The following CEP250 variants were observed in gnomAD, a reference collection of about 807,000 sequenced individuals.
CEP250 encodes centrosomal protein 250.
Under a neutral mutation model 315.7 loss-of-function variants are expected in CEP250, and 242 were observed. The ratio of observed to expected loss-of-function variants is 0.77; its 90% CI spans 0.69 to 0.85. The LOEUF is 0.85. CEP250 is among the 40% of genes least tolerant of loss of function. The pLI is 0.00. For missense variants in CEP250, 2,515 were observed against 2,886.4 expected (o/e 0.87, Z 2.95); for synonymous variants, 1,088 against 1,175.0 (o/e 0.93, Z 1.51).
chr20:35,513,543 C>CCA lies in CEP250; in HGVS notation c.*1919_*1920dup, dbSNP rs2064398707. On this transcript the variant is annotated 3_prime_UTR_variant, in exon 35 of 35. Coordinates refer to ENST00000397527, the MANE Select transcript of CEP250 (RefSeq NM_007186.6). The stretch of plus-strand genomic sequence containing the variant: ...AAAATGTTGGGATTACGGGCATGAG[C>CCA]CACCGCGCCCGGCCCTTTAGGCCAT... The CCA allele has an allele frequency of 1.3e-5, 2 of 152,250 alleles. No homozygotes were observed. The highest frequency in any genetic ancestry group is 6.5e-5 in the Admixed American group (1 of 15,282). The allele number at this position is 152,250 out of a possible 1,614,324, so 9.4% of individuals were successfully genotyped here.
At position 35,504,295 on chromosome 20, in the gene CEP250, G is replaced by T. The variant is rs367908520; in HGVS notation, c.5926G>T (p.Ala1976Ser). ...GGAGGCCCTTGGCAAGGCTCATGCT[G>T]CCCTGCAGGGGAAAGAGCAGCATCT... Reference protein sequence around the residue: ...LQEALGKAHAALQGKEQHLLE... With the variant: ...LQEALGKAHASLQGKEQHLLE... Residue 1976 changes from alanine to serine, a missense_variant, in exon 30 of 35, where the codon GCC becomes TCC. Ala to Ser is a moderately conservative substitution (Grantham distance 99). Coordinates refer to ENST00000397527, the MANE Select transcript of CEP250 (RefSeq NM_007186.6). 2.3e-5 allele frequency: 36 copies of T among 1,587,210 alleles called. No individual in the cohort carries two copies. In the African/African-American group the frequency reaches 3.9e-4, roughly 17 times the overall value.
Position 35,502,828 on chromosome 20 carries a change from T to C in CEP250, c.4459T>C (p.Ser1487Pro). 1 of 1,614,176 alleles carries C rather than the reference T, an allele frequency of 6.2e-7. No homozygotes were observed. The highest frequency in any genetic ancestry group is 1.1e-5 in the South Asian group (1 of 91,084). The change falls in exon 30 of 35, where the codon TCT (serine) becomes CCT (proline). Residue 1487 changes from serine (S) to proline (P), a missense_variant. Transcript: ENST00000397527. ...EQIQELEKCR[S>P]VLEHLPMAVQ... ...GATTCAGGAGCTAGAGAAGTGTAGG[T>C]CTGTTTTAGAGCATCTGCCCATGGC...
In CEP250 at chr20:35,511,699, G is replaced by A; in HGVS notation, c.*73G>A. 1 of 1,507,298 alleles carries A rather than the reference G, an allele frequency of 6.6e-7. No individual in the cohort carries two copies. The highest frequency in any genetic ancestry group is 8.9e-7 in the Non-Finnish European group (1 of 1,128,048). 93.4% of individuals were successfully genotyped at this position (1,507,298 alleles called of 1,614,324 possible). On this transcript the variant is annotated 3_prime_UTR_variant, in exon 35 of 35. Coordinates refer to ENST00000397527, the MANE Select transcript of CEP250 (RefSeq NM_007186.6). ...GGCCCCTCCGCACACCTACAGGTTT[G>A]CCAAAGGAAAAGCCTGGCTCTGTTA...
intron 20 of CEP250, chr20:35,481,092 A>G (rs900546758): frequency 3.3e-5 from 5 of 151,928 alleles, no homozygotes; most frequent in Non-Finnish European, 7.4e-5. Context: ...CAGTAGTTTT[A>G]CCCTTTTCCT....
chr20:35,469,893 G>T lies in CEP250; in HGVS notation c.855G>T (p.Val285=). 1.2e-6 allele frequency: 2 copies of T among 1,610,120 alleles called. No homozygotes were observed. The highest frequency in any genetic ancestry group is 2.2e-5 in the South Asian group (2 of 90,856). Residue 285 remains valine (V), a synonymous_variant, in exon 10 of 35, where the codon GTG becomes GTT. Transcript: ENST00000397527. Reference sequence around the variant, plus strand: ...AGTGCTATGCTCTTCTCTTTAGGGTGACCGAGCTCTCTGCTCTGTTGACCC... The same window carrying T: ...AGTGCTATGCTCTTCTCTTTAGGGTTACCGAGCTCTCTGCTCTGTTGACCC... ...DLEKAELQDR[V]TELSALLTQS...
rs1481799022 is a variant in CEP250, at chr20:35,473,319, AC to A, written c.1210-54del. On this transcript the variant is annotated intron_variant, in intron 12 of 34. Transcript: ENST00000397527. ...CTCCAGCCCCACTTTCGGGGTTCTGACATCCCTCCTTTGCCCTTGTTCATCA... is the reference window on the plus strand; with the variant it reads ...CTCCAGCCCCACTTTCGGGGTTCTGAATCCCTCCTTTGCCCTTGTTCATCA... 2.1e-5 allele frequency: 31 copies of A among 1,507,476 alleles called. 1 individual carries two copies. Among genetic ancestry groups the A allele is most frequent in the South Asian group, 6.5e-5 (5 of 76,620 alleles). 93.4% of individuals were successfully genotyped at this position (1,507,476 alleles called of 1,614,324 possible).
chr20:35,515,122 C>T lies in CEP250; in HGVS notation c.*3496C>T, dbSNP rs1001988617. 3 of 152,456 alleles carry T rather than the reference C, an allele frequency of 2.0e-5. No homozygotes were observed. Among genetic ancestry groups the T allele is most frequent in the African/African-American group, 7.2e-5 (3 of 41,410 alleles). The allele number at this position is 152,456 out of a possible 1,614,324, so 9.4% of individuals were successfully genotyped here. On this transcript the variant is annotated 3_prime_UTR_variant, in exon 35 of 35. Transcript: ENST00000397527. ...TCGGAGCTCGGGGTCTAGCTGTGAC[C>T]TGGGGATCGGTTGGAGTAGCTTCTT...
intron 24 of CEP250, among the ~76,000 whole-genome samples, chr20:35,495,288 C>T (rs150734538): frequency 0.011 from 1,615 of 152,282 alleles, 16 homozygotes; most frequent in Middle Eastern, 0.024. Context: ...TGGTAGGCCA[C>T]AGCAAGGAGT....
Position 35,497,976 on chromosome 20 carries a change from C to T in CEP250, c.3564C>T (p.Ala1188=), listed in dbSNP as rs1013024585. ...CCCAGCTGGCCAGCCTCTACTCTGCCCTGCAGCAGGCCCTGGGGTCTGTTT... is the reference window on the plus strand; with the variant it reads ...CCCAGCTGGCCAGCCTCTACTCTGCTCTGCAGCAGGCCCTGGGGTCTGTTT... ...AQAQLASLYS[A]LQQALGSVCE... The change falls in exon 26 of 35, where the codon GCC becomes GCT. Residue 1188 remains alanine (A), a synonymous_variant. Coordinates refer to ENST00000397527, the MANE Select transcript of CEP250 (RefSeq NM_007186.6). The T allele has an allele frequency of 1.9e-6, 3 of 1,613,568 alleles. No homozygotes were observed. The highest frequency in any genetic ancestry group is 2.5e-6 in the Non-Finnish European group (3 of 1,179,822).
chr20:35,466,486 A>G (rs916845578), intron 7 of CEP250, among the ~76,000 whole-genome samples: 8 of 152,058 alleles, frequency 5.3e-5, no homozygotes, highest in African/African-American at 1.7e-4. Context: ...TTTTTGATGG[A>G]TCTGAAAGCT....
chr20:35,466,409 T>C (rs1180106706), intron 7 of CEP250, among the ~76,000 whole-genome samples: 4 of 152,182 alleles, frequency 2.6e-5, no homozygotes, highest in African/African-American at 9.7e-5. Flanking sequence ...CCGCCTAGTC[T>C]AGGTTCTGCT....
intron 25 of CEP250, 35 bp downstream of exon 25, chr20:35,496,750 T>G (rs778103001): frequency 6.3e-7 from 1 of 1,592,832 alleles, no homozygotes; most frequent in Non-Finnish European, 8.5e-7. Context: ...TCTGCATCCC[T>G]GGCAGAAGCC....
intron 4 of CEP250, 103 bp downstream of exon 4, chr20:35,462,656 G>A (rs1246251754): frequency 1.0e-6 from 1 of 954,726 alleles, no homozygotes; most frequent in Non-Finnish European, 1.5e-6. Context: ...TGGTGGGAGT[G>A]GCCTACATCT....
Position 35,507,777 on chromosome 20 carries a change from C to A in CEP250, c.6676C>A (p.Arg2226=). 6.4e-7 allele frequency: 1 copy of A among 1,560,454 alleles called. No individual in the cohort carries two copies. Among genetic ancestry groups the A allele is most frequent in the Non-Finnish European group, 8.7e-7 (1 of 1,152,040 alleles). ...ELTRRALEKE[R]LHSPGATSTA... is the part of the protein sequence containing the mutation. The stretch of plus-strand genomic sequence containing the variant: ...CACCAGACGGGCTCTGGAGAAGGAG[C>A]GGCTACACAGCCCAGGTGCAACCAG... Residue 2226 remains arginine (R), a synonymous_variant, in exon 31 of 35, where the codon CGG becomes AGG. Transcript: ENST00000397527.
In CEP250 at chr20:35,503,940, T is replaced by C; in HGVS notation, c.5571T>C (p.Arg1857=). 2 of 1,613,256 alleles carry C rather than the reference T, an allele frequency of 1.2e-6. No individual in the cohort carries two copies. Among genetic ancestry groups the C allele is most frequent in the Non-Finnish European group, 1.7e-6 (2 of 1,179,644 alleles). The change falls in exon 30 of 35, where the codon CGT becomes CGC. Residue 1857 remains arginine, a synonymous_variant. Transcript: ENST00000397527. The surrounding 1 kb of genome is among the most constrained non-coding windows in gnomAD (Gnocchi z 4.2). The part of the protein sequence containing the change: ...LEQAHMTLKE[R]HGELQDHKEQ... ...AAGCCCATATGACACTGAAGGAGCG[T>C]CATGGAGAGCTTCAGGACCACAAGG... is the stretch of plus-strand genomic sequence containing the variant.
intron 30 of CEP250, among the ~76,000 whole-genome samples, chr20:35,507,305 T>C (rs933009608): frequency 1.3e-5 from 2 of 152,192 alleles, no homozygotes; most frequent in African/African-American, 4.8e-5. Context: ...ATGTAGTCGT[T>C]TTATAAATGA....
intron 30 of CEP250, among the ~76,000 whole-genome samples, chr20:35,506,294 G>GAGTCATCA (rs2064183601): frequency 6.6e-6 from 1 of 152,188 alleles, no homozygotes; most frequent in Non-Finnish European, 1.5e-5. Context: ...AGACACTTTG[G>GAGTCATCA]AGTCATCAGC....
In CEP250 at chr20:35,470,000, T is replaced by C; in HGVS notation, c.948+14T>C. 1 of 1,589,876 alleles carries C rather than the reference T, an allele frequency of 6.3e-7. No homozygotes were observed. The highest frequency in any genetic ancestry group is 1.1e-5 in the South Asian group (1 of 90,608). ...GTGGAGATCCTGGTACATGATCCTT[T>C]GCTCTGGAAAGGAGTTGGGCGTGGG... is the stretch of plus-strand genomic sequence containing the variant. On this transcript the variant is annotated intron_variant, in intron 10 of 34. Coordinates refer to ENST00000397527, the MANE Select transcript of CEP250 (RefSeq NM_007186.6).
rs1371316594 is a variant in CEP250 at position 35,491,225 on chromosome 20, CAG to C, written c.2772_2773del (p.Lys925GlyfsTer65). 11 of 1,611,678 alleles carry C rather than the reference CAG, an allele frequency of 6.8e-6. No homozygotes were observed. The highest frequency in any genetic ancestry group is 2.2e-5 in the East Asian group (1 of 44,858). On this transcript the variant is annotated frameshift_variant, in exon 22 of 35. Coordinates refer to ENST00000397527, the MANE Select transcript of CEP250 (RefSeq NM_007186.6). LOFTEE classifies it high-confidence loss of function. ...ACCCCTCCACAGATGCAGCTGGAAA[CAG>C]AGAAGGAGAGAGTATCCCTCCTGGA...
Sources: gnomAD v4.1 joint callset for allele counts (sites outside exome capture counted in the v4.1 genomes callset) on GRCh38, gnomAD v4.1.1 for gene constraint, Gnocchi (gnomAD v3.1) non-coding constraint, MANE v1.5 for transcripts, NCBI Gene and HGNC (gene_info 2026-07-23, HGNC 2026-07-21) for gene names.